The following APTX variants were observed in gnomAD, a reference collection of about 807,000 sequenced individuals.
APTX encodes forkhead-associated domain histidine triad-like protein.
In APTX, 33 loss-of-function variants were observed where a neutral mutation model predicts 42.3. The ratio of observed to expected loss-of-function variants is 0.78; its 90% confidence interval spans 0.59 to 1.04. APTX has a LOEUF of 1.04. Among genes scored for constraint, APTX ranks in the 50% least tolerant of loss-of-function variants. The probability of loss-of-function intolerance (pLI) is 0.00; values close to 1 mark genes in which losing one functional copy is unlikely to be tolerated. For synonymous variants in APTX, 130 were observed against 146.7 expected, an observed-to-expected ratio of 0.89 and a Z score of 0.82; for missense variants, 421 against 415.1, an observed-to-expected ratio of 1.01 and a Z score of -0.12.
At chr9:32,989,122 A>C (rs975172822) in intron 2 of APTX, among the ~76,000 whole-genome samples, 2 of 152,188 alleles carry the variant, frequency 1.3e-5, no homozygotes, top group African/African-American at 4.8e-5. Context: ...TACTCAGCTC[A>C]AGCATGGCTT....
In APTX at chr9:33,001,182, G is replaced by C. The variant is rs1587605136; in HGVS notation, c.-5+385C>G. The C allele has an allele frequency of 4.7e-6, 2 of 426,624 alleles. 1 individual carries two copies. Among genetic ancestry groups the C allele is most frequent in the Non-Finnish European group, 6.8e-6 (2 of 292,556 alleles). 26.4% of individuals were successfully genotyped at this position (426,624 alleles called of 1,614,324 possible). ...TCTTCTGGCATTCCCTACAAGGCCT[G>C]TTGAGGATGCTGCTAAGGTCCCTCA... On this transcript the variant is annotated intron_variant, in intron 1 of 7. Transcript: ENST00000379817.
chr9:32,973,818 T>A, intron 7 of APTX, 166 bp from the exon 8 acceptor site: 2 of 846,108 alleles, frequency 2.4e-6, no homozygotes, highest in Non-Finnish European at 3.8e-6. Context: ...AAAATGAGCT[T>A]AATCAGATTA....
intron 1 of APTX, 162 bp from the exon 2 acceptor site, chr9:32,990,057 A>G: frequency 2.5e-6 from 2 of 808,678 alleles, no homozygotes; most frequent in Non-Finnish European, 4.1e-6. Flanking sequence ...AAACCATGAT[A>G]ATGATGGGAC....
intron 1 of APTX, among the ~76,000 whole-genome samples, chr9:33,007,552 A>G (rs1837248112): frequency 6.6e-6 from 1 of 152,186 alleles, no homozygotes; most frequent in Non-Finnish European, 1.5e-5. Flanking sequence ...GGACAAGACA[A>G]AACATACTCT....
intron 1 of APTX, among the ~76,000 whole-genome samples, chr9:33,008,311 GA>G (rs909797864): frequency 1.3e-4 from 20 of 151,742 alleles, no homozygotes; most frequent in African/African-American, 4.1e-4. Flanking sequence ...AATATTTTTA[GA>G]TTTTTTTTGA....
chr9:33,020,017 G>GGGGGAGCTCCGCT, intron 1 of APTX: 1 of 404,048 alleles, frequency 2.5e-6, no homozygotes, highest in Non-Finnish European at 4.5e-6. Flanking sequence ...CACGTGCGGT[G>GGGGGAGCTCCGCT]GGGGAGCTCC....
rs1587685674 is a variant in APTX at position 33,022,839 on chromosome 9, CT to C, written c.-5+2183del. 2.0e-5 allele frequency among the ~76,000 whole-genome samples: 3 copies of C among 152,106 alleles called. No homozygotes were observed. The South Asian group carries it at 6.2e-4, about 32-fold the overall frequency. On this transcript the variant is annotated intron_variant, in intron 1 of 6. Transcript: ENST00000436040. ...TAAGAATGCTTCTTAAAAGTGTTAA[CT>C]TTTTTGTTAGTTTCGTTTTTAGACA...
At chr9:32,977,950 G>T (rs1449065413) in intron 6 of APTX, among the ~76,000 whole-genome samples, 1 of 152,202 alleles carries the variant, frequency 6.6e-6, no homozygotes, top group East Asian at 1.9e-4. Flanking sequence ...ACCCAAGTGT[G>T]TTGCTTTAAA....
At chr9:33,015,869 A>G (rs186445512) in intron 1 of APTX, 2 of 152,322 alleles carry the variant, frequency 1.3e-5, no homozygotes, top group African/African-American at 4.8e-5. Flanking sequence ...TTTTTCTGAC[A>G]ACAAGATTAT....
At chr9:32,995,447 T>C (rs12377428) in intron 1 of APTX, among the ~76,000 whole-genome samples, 30,910 of 152,234 alleles carry the variant, frequency 0.2, 3,363 homozygotes, top group Middle Eastern at 0.29. Context: ...ACTAAAATTA[T>C]AAGTAGAACC....
At chr9:32,993,534 T>C (rs1374237329) in intron 1 of APTX, among the ~76,000 whole-genome samples, 1 of 152,168 alleles carries the variant, frequency 6.6e-6, no homozygotes, top group African/African-American at 2.4e-5. Flanking sequence ...TACAAGTGAA[T>C]TATCAAATGC....
chr9:32,993,401 C>A (rs1177363227), intron 1 of APTX, among the ~76,000 whole-genome samples: 1 of 152,160 alleles, frequency 6.6e-6, no homozygotes, highest in Non-Finnish European at 1.5e-5. Flanking sequence ...TCAACCCAGT[C>A]CCTCCAGTAA....
chr9:32,999,573 T>C (rs1427289719), intron 1 of APTX, among the ~76,000 whole-genome samples: 1 of 152,180 alleles, frequency 6.6e-6, no homozygotes, highest in Non-Finnish European at 1.5e-5. Flanking sequence ...ATTCATCCTC[T>C]GAGACAAAAG....
intron 6 of APTX, among the ~76,000 whole-genome samples, chr9:32,976,610 A>G (rs1015033366): frequency 1.3e-5 from 2 of 152,246 alleles, no homozygotes; most frequent in Non-Finnish European, 2.9e-5. Context: ...AGCTGTTACA[A>G]TAACTGCATT....
At chr9:32,986,247 C>A in intron 4 of APTX, 1 of 676,904 alleles carries the variant, frequency 1.5e-6, no homozygotes, top group Non-Finnish European at 2.7e-6. Flanking sequence ...AAGTCTCACT[C>A]TGTCTCACCC....
chr9:32,993,351 A>C (rs1343975649), intron 1 of APTX, among the ~76,000 whole-genome samples: 1 of 152,216 alleles, frequency 6.6e-6, no homozygotes, highest in Non-Finnish European at 1.5e-5. Context: ...GGAGTGTTTT[A>C]CAATATGGCA....
At chr9:33,013,825 C>T (rs963415584) in intron 1 of APTX, among the ~76,000 whole-genome samples, 1 of 152,062 alleles carries the variant, frequency 6.6e-6, no homozygotes, top group African/African-American at 2.4e-5. Context: ...AAAAACAAGA[C>T]CAAGCTCCTG....
chr9:32,986,205 T>C, intron 4 of APTX, 175 bp from the exon 5 acceptor site: 2 of 754,258 alleles, frequency 2.7e-6, no homozygotes, highest in Non-Finnish European at 4.8e-6. Context: ...TTCACTCCAT[T>C]GCCTTCCTAT....
At chr9:33,011,004 G>A (rs1460858127) in intron 1 of APTX, among the ~76,000 whole-genome samples, 9 of 151,872 alleles carry the variant, frequency 5.9e-5, no homozygotes, top group Admixed American at 3.9e-4. Context: ...TTAACAGAGC[G>A]TGGTGGTGCA....
Sources: gnomAD v4.1 joint callset for allele counts (sites outside exome capture counted in the v4.1 genomes callset) on GRCh38, gnomAD v4.1.1 for gene constraint, MANE v1.5 for transcripts, NCBI Gene and HGNC (gene_info 2026-07-23, HGNC 2026-07-21) for gene names.